Variants in TDRD5 observed in about 807,000 individuals in gnomAD.
TDRD5 encodes the protein tudor domain-containing protein 5.
Under a neutral mutation model 120.6 loss-of-function variants are expected in TDRD5, and 41 were observed. The observed-to-expected ratio is 0.34, with a 90% CI of 0.26 to 0.44. The LOEUF (loss-of-function observed/expected upper bound fraction) is 0.44, where lower values mean the gene tolerates loss of function less well. Ranked by LOEUF, TDRD5 falls within the 20% of genes least tolerant of loss-of-function variation. TDRD5 has a pLI of 1.00. For synonymous variants in TDRD5, 430 were observed against 433.7 expected, an observed-to-expected ratio of 0.99 and a Z score of 0.11; for missense variants, 1,006 against 1,221.2, an observed-to-expected ratio of 0.82 and a Z score of 2.63.
At chr1:179,633,608 C>T (rs1677585790) in intron 7 of TDRD5, among the ~76,000 whole-genome samples, 1 of 151,828 alleles carries the variant, frequency 6.6e-6, no homozygotes, top group African/African-American at 2.4e-5. Context: ...CCTCGGCCTC[C>T]CAAAGTGCTG....
intron 14 of TDRD5, among the ~76,000 whole-genome samples, chr1:179,661,016 C>T (rs1292716364): frequency 6.6e-6 from 1 of 152,134 alleles, no homozygotes; most frequent in Non-Finnish European, 1.5e-5. Context: ...CCTTTCTGCC[C>T]TTCATGGTTT....
intron 11 of TDRD5, among the ~76,000 whole-genome samples, chr1:179,642,243 G>A (rs1201223152): frequency 6.6e-6 from 1 of 151,982 alleles, no homozygotes; most frequent in East Asian, 1.9e-4. Context: ...TGGGATTATA[G>A]GCATGTGCCA....
In TDRD5 at chr1:179,614,012, G is replaced by T. The variant is rs112658268; in HGVS notation, c.832-4587G>T. ...TCTGTTTCTTTCTGCTTTTAGCCAT[G>T]TGCATCCTCTTTCCAAAGTGCTTTC... On this transcript the variant is annotated intron_variant, in intron 4 of 17. Coordinates refer to ENST00000444136, the MANE Select transcript of TDRD5 (RefSeq NM_001199085.3). 4.6e-3 allele frequency among the ~76,000 whole-genome samples: 696 copies of T among 152,258 alleles called. 5 individuals carry two copies. The highest frequency in any genetic ancestry group is 0.016 in the African/African-American group (660 of 41,552).
intron 4 of TDRD5, among the ~76,000 whole-genome samples, chr1:179,614,540 T>C (rs1410317409): frequency 1.3e-5 from 2 of 152,152 alleles, no homozygotes; most frequent in African/African-American, 4.8e-5. Flanking sequence ...ATGTTTACTT[T>C]TATGGCTTAT....
chr1:179,621,016 T>C lies in TDRD5; in HGVS notation c.916-19T>C. The C allele has an allele frequency of 6.3e-7, 1 of 1,583,522 alleles. No individual in the cohort carries two copies. The highest frequency in any genetic ancestry group is 8.6e-7 in the Non-Finnish European group (1 of 1,165,522). On this transcript the variant is annotated intron_variant, in intron 5 of 17. Coordinates refer to ENST00000444136, the MANE Select transcript of TDRD5 (RefSeq NM_001199085.3). ...GCATTTCAGTGTGTCTATATTGTAT[T>C]TCACTTTCTATTTGTTAGGTTGTAT...
At chr1:179,622,160 T>C (rs1676877733) in intron 6 of TDRD5, among the ~76,000 whole-genome samples, 1 of 152,196 alleles carries the variant, frequency 6.6e-6, no homozygotes, top group South Asian at 2.1e-4. Context: ...TCTGCTCAGA[T>C]CTCTGCCTGA....
rs138668107 is a variant in TDRD5, at chr1:179,592,766, C to T, written c.151C>T (p.Arg51Trp). ...NHLPLRILGY[R>W]STMELVLDMP... ...TCTACCACTCCGAATCCTTGGGTAT[C>T]GGTCCACTATGGAGCTGGTATTGGA... Residue 51 changes from arginine to tryptophan, a missense_variant, in exon 2 of 18, where the codon CGG becomes TGG. Physicochemically the swap from Arg to Trp is moderately radical, Grantham distance 101. Transcript: ENST00000444136. 128 of 1,614,136 alleles carry T rather than the reference C, an allele frequency of 7.9e-5. No individual in the cohort carries two copies. Among genetic ancestry groups the T allele is most frequent in the Non-Finnish European group, 1.0e-4 (118 of 1,180,036 alleles).
intron 7 of TDRD5, among the ~76,000 whole-genome samples, chr1:179,633,138 G>C (rs915624839): frequency 6.6e-6 from 1 of 151,754 alleles, no homozygotes; most frequent in African/African-American, 2.4e-5. Context: ...ATATACTATG[G>C]GTGTTTTTTC....
chr1:179,689,473 G>T (rs1680979319), intron 17 of TDRD5, among the ~76,000 whole-genome samples: 1 of 152,222 alleles, frequency 6.6e-6, no homozygotes, highest in South Asian at 2.1e-4. Context: ...ACTGGGAGGT[G>T]ACTCCCAGTT....
At chr1:179,686,733 C>T (rs1473103792) in intron 17 of TDRD5, among the ~76,000 whole-genome samples, 2 of 152,116 alleles carry the variant, frequency 1.3e-5, no homozygotes, top group African/African-American at 2.4e-5. Flanking sequence ...TGTTATTGGT[C>T]TATACAGGGA....
At position 179,663,448 on chromosome 1, in the gene TDRD5, T is replaced by C. The variant is rs574597125; in HGVS notation, c.2606T>C (p.Leu869Pro). The C allele has an allele frequency of 4.3e-6, 7 of 1,613,664 alleles. No homozygotes were observed. The Admixed American group carries it at 8.3e-5, about 19-fold the overall frequency. ...TKVEVHKPEV[L>P]GAQEKNTGTN... Reference sequence around the variant, plus strand: ...GTAGAAGTTCATAAGCCAGAAGTACTGGGTGCTCAGGAAAAAAATACTGGC... The same window carrying C: ...GTAGAAGTTCATAAGCCAGAAGTACCGGGTGCTCAGGAAAAAAATACTGGC... The change falls in exon 16 of 18, where the codon CTG becomes CCG. Residue 869 changes from leucine (L) to proline (P), a missense_variant. Physicochemically the swap from Leu to Pro is moderately conservative, Grantham distance 98. Coordinates refer to ENST00000444136, the MANE Select transcript of TDRD5 (RefSeq NM_001199085.3).
chr1:179,672,528 C>T (rs146843686), intron 17 of TDRD5, among the ~76,000 whole-genome samples: 2,970 of 152,190 alleles, frequency 0.02, 75 homozygotes, highest in African/African-American at 0.067. Flanking sequence ...TGAAGATTTT[C>T]TCCCATTCTG....
At chr1:179,642,210 C>T (rs1040098002) in intron 11 of TDRD5, among the ~76,000 whole-genome samples, 8 of 152,030 alleles carry the variant, frequency 5.3e-5, no homozygotes, top group African/African-American at 1.9e-4. Flanking sequence ...AAGCAATTCT[C>T]CTGCCTCAGC....
chr1:179,655,712 A>T (rs1441873888), intron 14 of TDRD5, among the ~76,000 whole-genome samples: 1 of 152,158 alleles, frequency 6.6e-6, no homozygotes, highest in African/African-American at 2.4e-5. Context: ...ATAGTATGTA[A>T]CCTTTGGAGA....
intron 10 of TDRD5, 59 bp downstream of exon 10, chr1:179,640,110 C>T: frequency 1.9e-6 from 3 of 1,562,902 alleles, no homozygotes; most frequent in African/African-American, 1.4e-5. Flanking sequence ...AGTGTTGAAG[C>T]TCTGTGGGGT....
chr1:179,667,810 A>G (rs1264788884), intron 16 of TDRD5, among the ~76,000 whole-genome samples: 2 of 152,196 alleles, frequency 1.3e-5, no homozygotes, highest in East Asian at 3.8e-4. Context: ...ACACACAGGC[A>G]TTTATATATT....
In TDRD5 at chr1:179,595,560, A is replaced by T; in HGVS notation, c.641-68A>T. On this transcript the variant is annotated intron_variant, in intron 3 of 17. Transcript: ENST00000444136. ...TTAGCTCACAGTAGCCTCTGTATGT[A>T]GCCACCGGAAAATGAAATAGAAGTT... 9 of 1,393,916 alleles carry T rather than the reference A, an allele frequency of 6.5e-6. No homozygotes were observed. In the Admixed American group the frequency reaches 7.1e-5, roughly 11 times the overall value. 86.3% of individuals were successfully genotyped at this position (1,393,916 alleles called of 1,614,324 possible).
intron 14 of TDRD5, among the ~76,000 whole-genome samples, chr1:179,656,909 C>T (rs138774597): frequency 4.1e-4 from 62 of 152,162 alleles, no homozygotes; most frequent in Non-Finnish European, 8.1e-4. Flanking sequence ...AAAAACTAGC[C>T]GAGTGTGGTG....
intron 4 of TDRD5, among the ~76,000 whole-genome samples, chr1:179,601,655 C>T (rs7545885): frequency 0.024 from 3,619 of 152,184 alleles, 66 homozygotes; most frequent in Non-Finnish European, 0.034. Flanking sequence ...TTTCTTTATT[C>T]ACTTGTTGAT....
Sources: gnomAD v4.1 joint callset for allele counts (sites outside exome capture counted in the v4.1 genomes callset) on GRCh38, gnomAD v4.1.1 for gene constraint, MANE v1.5 for transcripts, NCBI Gene and HGNC (gene_info 2026-07-23, HGNC 2026-07-21) for gene names.